Variants in TBC1D8 observed in about 807,000 individuals in gnomAD.
The protein encoded by TBC1D8 is BUB2-like protein 1.
In TBC1D8, 65 loss-of-function variants were observed where a neutral mutation model predicts 118.8. The observed-to-expected ratio is 0.55, with a 90% CI of 0.45 to 0.67. TBC1D8 has a LOEUF of 0.67. Ranked by LOEUF, TBC1D8 falls within the 30% of genes least tolerant of loss-of-function variation. The probability of loss-of-function intolerance (pLI) is 0.00; values close to 1 mark genes in which losing one functional copy is unlikely to be tolerated. For missense variants in TBC1D8, 1,376 were observed against 1,471.2 expected (o/e 0.94, Z 1.06); for synonymous variants, 566 against 595.8 (o/e 0.95, Z 0.73).
intron 1 of TBC1D8, among the ~76,000 whole-genome samples, chr2:101,135,918 C>T: frequency 6.6e-6 from 1 of 152,138 alleles, no homozygotes; most frequent in East Asian, 1.9e-4. Context: ...ATCTTACTGT[C>T]ACCCTGGCTT....
At chr2:101,011,918 G>T (rs767930542) in intron 17 of TBC1D8, among the ~76,000 whole-genome samples, 12 of 152,182 alleles carry the variant, frequency 7.9e-5, no homozygotes, top group Non-Finnish European at 1.8e-4. Context: ...AAATCTCTGG[G>T]TGGTGGAGTA....
At chr2:101,100,266 C>A (rs1676739176) in intron 1 of TBC1D8, among the ~76,000 whole-genome samples, 1 of 152,050 alleles carries the variant, frequency 6.6e-6, no homozygotes, top group Non-Finnish European at 1.5e-5. Context: ...CTCACTATCA[C>A]TACAAAGAGA....
At chr2:101,087,512 G>A (rs976973866) in intron 2 of TBC1D8, among the ~76,000 whole-genome samples, 12 of 151,724 alleles carry the variant, frequency 7.9e-5, no homozygotes, top group East Asian at 5.8e-4. Flanking sequence ...GCGTGGTGGC[G>A]CATGCTTGCA....
Position 101,111,896 on chromosome 2 carries a change from T to G in TBC1D8, c.128-21532A>C, listed in dbSNP as rs923190029. On this transcript the variant is annotated intron_variant, in intron 1 of 19. Transcript: ENST00000409318. ...AACAGTGGTTACAATGGTCAAATGTTGTGTACTTGACCATAGTTTTAAAAA... is the reference window on the plus strand; with the variant it reads ...AACAGTGGTTACAATGGTCAAATGTGGTGTACTTGACCATAGTTTTAAAAA... Among the ~76,000 whole-genome samples the G allele has an allele frequency of 2.8e-5, 4 of 143,718 alleles. No individual in the cohort carries two copies. The Admixed American group carries it at 2.9e-4, about 10-fold the overall frequency. 94.3% of individuals were successfully genotyped at this position (143,718 alleles called of 152,430 possible). A position where few individuals can be genotyped will look rare whatever the true frequency, so the allele number is the denominator to read the frequency against.
chr2:101,009,897 C>CT (rs1325450247), intron 19 of TBC1D8, among the ~76,000 whole-genome samples: 1 of 150,672 alleles, frequency 6.6e-6, no homozygotes, highest in Admixed American at 6.6e-5. Context: ...TCTCGGCTCA[C>CT]TGCAAGCTCC....
chr2:101,077,546 C>T lies in TBC1D8; in HGVS notation c.283+12663G>A, dbSNP rs79994437. Among the ~76,000 whole-genome samples, 1,185 of 152,246 alleles carry T rather than the reference C, an allele frequency of 7.8e-3. 14 individuals are homozygous for T. The highest frequency in any genetic ancestry group is 0.026 in the African/African-American group (1,090 of 41,546). ...ACAGGTGTGAGCCACCGTGCCCGGC[C>T]GGTGCTACATCCTTTTAAACAACGA... On this transcript the variant is annotated intron_variant, in intron 2 of 19. Coordinates refer to ENST00000409318, the MANE Select transcript of TBC1D8 (RefSeq NM_001330348.2).
At chr2:101,073,130 C>T (rs1020738639) in intron 2 of TBC1D8, among the ~76,000 whole-genome samples, 4 of 105,066 alleles carry the variant, frequency 3.8e-5, no homozygotes, top group African/African-American at 9.7e-5. Flanking sequence ...AACTTGAAGT[C>T]ACCAGGCATG....
intron 2 of TBC1D8, among the ~76,000 whole-genome samples, chr2:101,065,098 G>GC (rs1682947168): frequency 6.6e-6 from 1 of 152,098 alleles, no homozygotes. Flanking sequence ...CATTGTCTAT[G>GC]CCCACAGCTC....
intron 17 of TBC1D8, among the ~76,000 whole-genome samples, chr2:101,012,949 T>G (rs1039594206): frequency 6.6e-6 from 1 of 152,154 alleles, no homozygotes; most frequent in Non-Finnish European, 1.5e-5. Flanking sequence ...GGAGGAAAAT[T>G]GCAAACCGTG....
At position 101,095,073 on chromosome 2, in the gene TBC1D8, A is replaced by G. The variant is rs143764866; in HGVS notation, c.128-4709T>C. Among the ~76,000 whole-genome samples, 404 of 152,166 alleles carry G rather than the reference A, an allele frequency of 2.7e-3. 1 individual carries two copies. The highest frequency in any genetic ancestry group is 9.4e-3 in the African/African-American group (389 of 41,516). ...GAAACTCTTGAAAGCCACAGTCTCT[A>G]GGGTACCCCACAACTTGCATAGGTT... On this transcript the variant is annotated intron_variant, in intron 1 of 19. Coordinates refer to ENST00000409318, the MANE Select transcript of TBC1D8 (RefSeq NM_001330348.2).
rs562806423 is a variant in TBC1D8 at position 101,038,659 on chromosome 2, C to G, written c.1081-4G>C. The stretch of plus-strand genomic sequence containing the variant: ...CCATCTTCTCGATGCTCACCACCTG[C>G]GCGAGAGGCAACATGCAGGGACAGA... On this transcript the variant is annotated splice_region_variant and splice_polypyrimidine_tract_variant and intron_variant, in intron 6 of 19. Coordinates refer to ENST00000409318, the MANE Select transcript of TBC1D8 (RefSeq NM_001330348.2). 1.2e-6 allele frequency: 2 copies of G among 1,613,490 alleles called. No homozygotes were observed. The highest frequency in any genetic ancestry group is 2.2e-5 in the East Asian group (1 of 44,866).
At chr2:101,071,221 T>C (rs1176448028) in intron 2 of TBC1D8, among the ~76,000 whole-genome samples, 4 of 151,976 alleles carry the variant, frequency 2.6e-5, no homozygotes, top group Admixed American at 6.6e-5. Flanking sequence ...GGGCGCCTAT[T>C]ATAGTCCCAG....
rs780813708 is a variant in TBC1D8 at position 101,028,374 on chromosome 2, C to A, written c.2281G>T (p.Ala761Ser). The change falls in exon 13 of 20, where the codon GCC (alanine) becomes TCC (serine). Residue 761 changes from alanine (A) to serine (S), a missense_variant. Coordinates refer to ENST00000409318, the MANE Select transcript of TBC1D8 (RefSeq NM_001330348.2). The part of the protein sequence containing the change: ...SPGPPVGSHH[A>S]FFSDDQEPYP... ...GGCTCCTGGTCGTCGGAGAAAAAGGCATGGTGGCTGCCAACTGGGGGCCCT... is the reference window on the plus strand; with the variant it reads ...GGCTCCTGGTCGTCGGAGAAAAAGGAATGGTGGCTGCCAACTGGGGGCCCT... 6 of 1,611,484 alleles carry A rather than the reference C, an allele frequency of 3.7e-6. No individual in the cohort carries two copies. Among genetic ancestry groups the A allele is most frequent in the Non-Finnish European group, 4.2e-6 (5 of 1,178,898 alleles).
At chr2:101,117,874 CTTT>C (rs35760018) in intron 1 of TBC1D8, among the ~76,000 whole-genome samples, 9 of 116,192 alleles carry the variant, frequency 7.7e-5, no homozygotes, top group Non-Finnish European at 1.2e-4. Context: ...CGCACCCGGC[CTTT>C]TTTTTTTTTT....
intron 2 of TBC1D8, among the ~76,000 whole-genome samples, chr2:101,089,570 G>A (rs1029877072): frequency 1.3e-5 from 2 of 152,176 alleles, no homozygotes; most frequent in African/African-American, 2.4e-5. Context: ...AGGAGAAGAT[G>A]AGCAGGTGGT....
intron 13 of TBC1D8, 38 bp downstream of exon 13, chr2:101,028,265 G>A (rs770257790): frequency 3.1e-6 from 5 of 1,593,068 alleles, no homozygotes; most frequent in South Asian, 1.1e-5. Flanking sequence ...CGGGGGGTTA[G>A]GGGCTGCAAC....
chr2:101,008,313 G>A (rs1477616002), intron 19 of TBC1D8, 40 bp from the exon 20 acceptor site: 4 of 1,453,968 alleles, frequency 2.8e-6, no homozygotes, highest in African/African-American at 1.4e-5. Flanking sequence ...CAGAACCAGG[G>A]TGGAAGTGTC....
chr2:101,109,917 G>GC, intron 1 of TBC1D8: 1 of 985,468 alleles, frequency 1.0e-6, no homozygotes, highest in Non-Finnish European at 1.2e-6. Flanking sequence ...CAGGAATGAG[G>GC]CCCCACTCAA....
At position 101,029,321 on chromosome 2, in the gene TBC1D8, G is replaced by A. The variant is rs140888280; in HGVS notation, c.2222+170C>T. On this transcript the variant is annotated intron_variant, in intron 12 of 19. Transcript: ENST00000409318. Reference sequence around the variant, plus strand: ...GGAGAATCATTTGAAGCTGGGAGGCGGAGGTTGTAGTGAGCAGATTGTGGG... The same window carrying A: ...GGAGAATCATTTGAAGCTGGGAGGCAGAGGTTGTAGTGAGCAGATTGTGGG... 2.1e-3 allele frequency among the ~76,000 whole-genome samples: 319 copies of A among 152,164 alleles called. 2 individuals are homozygous for A. Among genetic ancestry groups the A allele is most frequent in the Admixed American group, 3.5e-3 (54 of 15,298 alleles).
Sources: allele counts gnomAD v4.1 joint callset (sites outside exome capture counted in the v4.1 genomes callset), GRCh38; gene constraint gnomAD v4.1.1; transcripts MANE v1.5; gene names NCBI Gene and HGNC (gene_info 2026-07-23, HGNC 2026-07-21).